OVCH2: variants seen among roughly 807,000 people sequenced by gnomAD.
OVCH2 encodes the protein ovochymase 2.
A neutral mutation model predicts 73.7 loss-of-function variants in OVCH2; 88 were observed. The ratio of observed to expected loss-of-function variants is 1.19; its 90% CI spans 1.01 to 1.43. The LOEUF (loss-of-function observed/expected upper bound fraction) is 1.43, where lower values mean the gene tolerates loss of function less well. OVCH2 is among the 40% of genes most tolerant of loss of function. The pLI, the probability that OVCH2 is intolerant of heterozygous loss-of-function variation, is 0.00. For missense variants in OVCH2, 706 were observed against 674.5 expected (o/e 1.05, Z -0.52); for synonymous variants, 265 against 234.5 (o/e 1.13, Z -1.19).
At chr11:7,700,953 A>G (rs1046825989) in intron 6 of OVCH2, among the ~76,000 whole-genome samples, 1 of 152,240 alleles carries the variant, frequency 6.6e-6, no homozygotes, top group African/African-American at 2.4e-5. Context: ...TGGAAAAAGC[A>G]GAAGACCTCT....
intron 7 of OVCH2, chr11:7,699,569 ATTTT>A (rs1319419666): frequency 6.6e-6 from 1 of 152,078 alleles, no homozygotes; most frequent in Non-Finnish European, 1.5e-5. Flanking sequence ...TTGTACTGTT[ATTTT>A]TATTGTTTTT....
chr11:7,689,961 C>G lies in OVCH2; in HGVS notation c.1692G>C (p.Glu564Asp). Reference sequence around the variant, plus strand: ...TTTCTCCATTTGGCACATCTCATGTCTCCAGAAACATTGATTCATCCTCTG... The same window carrying G: ...TTTCTCCATTTGGCACATCTCATGTGTCCAGAAACATTGATTCATCCTCTG... ...SISEDESMFL[E>D]T is the part of the protein sequence containing the mutation. Residue 564 changes from glutamate (E) to aspartate (D), a missense_variant, in exon 15 of 16, where the codon GAG becomes GAC. Physicochemically the swap from Glu to Asp is conservative, Grantham distance 45 (BLOSUM62 2). Transcript: ENST00000533663. 2 of 1,526,484 alleles carry G rather than the reference C, an allele frequency of 1.3e-6. No homozygotes were observed. The highest frequency in any genetic ancestry group is 1.8e-6 in the Non-Finnish European group (2 of 1,138,226). The allele number at this position is 1,526,484 out of a possible 1,614,324, so 94.6% of individuals were successfully genotyped here.
In OVCH2 at chr11:7,695,150, C is replaced by T. The variant is rs867159607; in HGVS notation, c.1321G>A (p.Gly441Ser). 6.4e-7 allele frequency: 1 copy of T among 1,557,870 alleles called. No individual in the cohort carries two copies. Among genetic ancestry groups the T allele is most frequent in the Non-Finnish European group, 8.7e-7 (1 of 1,150,958 alleles). The change falls in exon 12 of 16, where the codon GGT (glycine) becomes AGT (serine). Residue 441 changes from glycine to serine, a missense_variant. Physicochemically the swap from Gly to Ser is moderately conservative, Grantham distance 56. Transcript: ENST00000533663. ...CSYLTVLFEE[G>S]LIQSLNYPEN... ...GGATAGTTTAGACTCTGTATGAGACCTTCTTCAAAAAGGACAGTTAAGTAA... is the reference window on the plus strand; with the variant it reads ...GGATAGTTTAGACTCTGTATGAGACTTTCTTCAAAAAGGACAGTTAAGTAA...
chr11:7,693,324 C>T (rs1032749731), intron 12 of OVCH2, among the ~76,000 whole-genome samples: 1 of 152,156 alleles, frequency 6.6e-6, no homozygotes, highest in Non-Finnish European at 1.5e-5. Context: ...TTCATTCAAA[C>T]ATTTATTAAA....
At position 7,691,942 on chromosome 11, in the gene OVCH2, A is replaced by G. The variant is rs1432957574; in HGVS notation, c.1467T>C (p.Tyr489=). 1.3e-6 allele frequency: 2 copies of G among 1,578,854 alleles called. No homozygotes were observed. The highest frequency in any genetic ancestry group is 1.7e-6 in the Non-Finnish European group (2 of 1,160,668). Residue 489 remains tyrosine, a synonymous_variant, in exon 13 of 16, where the codon TAT becomes TAC. Coordinates refer to ENST00000533663, the MANE Select transcript of OVCH2 (RefSeq NM_198185.7). ...TTTCTACATCGCTGTGCACTGTCAC[A>G]TAGTCGGAAGTGCAGTCTCCACTTT... ...IEESGDCTSD[Y]VTVHSDVERK...
chr11:7,691,797 T>G, intron 13 of OVCH2, 105 bp downstream of exon 13: 1 of 808,524 alleles, frequency 1.2e-6, no homozygotes, highest in South Asian at 1.7e-5. Context: ...GGGGTGGAGG[T>G]GGTGCAGGAA....
In OVCH2 at chr11:7,701,705, C is replaced by G. The variant is rs776953035; in HGVS notation, c.559+11G>C. ...ACCTCTGCTTAAGAGGAATGGCACA[C>G]AAGTTCTTACCTTCAGTTAAGCGGC... On this transcript the variant is annotated intron_variant, in intron 5 of 15. Transcript: ENST00000533663. The G allele has an allele frequency of 1.6e-5, 25 of 1,607,872 alleles. No homozygotes were observed. Among genetic ancestry groups the G allele is most frequent in the Non-Finnish European group, 2.0e-5 (23 of 1,176,934 alleles).
the OVCH2 span, among the ~76,000 whole-genome samples, chr11:7,684,223 GTGGAGGTA>G: frequency 1.3e-5 from 2 of 152,052 alleles, no homozygotes. Context: ...GAAGTTAGAA[GTGGAGGTA>G]TGGATCTCAT....
In OVCH2 at chr11:7,701,326, G is replaced by C; in HGVS notation, c.709C>G (p.Gln237Glu). ...ACAGCCCCGCAGCTCCCACCCACCTGACATGCGTCTCTCCCTCCATCAGGA... is the reference window on the plus strand; with the variant it reads ...ACAGCCCCGCAGCTCCCACCCACCTCACATGCGTCTCTCCCTCCATCAGGA... Reference protein sequence around the residue: ...GFPDGGRDACQGDSGGSLMCR... With the variant: ...GFPDGGRDACEGDSGGSLMCR... Residue 237 changes from glutamine (Q) to glutamate (E), a missense_variant and splice_region_variant, in exon 6 of 16, where the codon CAG (glutamine) becomes GAG (glutamate). Physicochemically the swap from Gln to Glu is conservative, Grantham distance 29 (BLOSUM62 2). Transcript: ENST00000533663. The C allele has an allele frequency of 6.2e-7, 1 of 1,611,014 alleles. No individual in the cohort carries two copies. The highest frequency in any genetic ancestry group is 8.5e-7 in the Non-Finnish European group (1 of 1,179,050).
At chr11:7,704,291 A>C (rs149703914) in intron 2 of OVCH2, among the ~76,000 whole-genome samples, 8 of 152,286 alleles carry the variant, frequency 5.3e-5, no homozygotes, top group African/African-American at 1.9e-4. Flanking sequence ...TTTGACCCCT[A>C]TAGCTTCTTC....
intron 7 of OVCH2, chr11:7,699,611 A>G (rs1006994733): frequency 2.0e-5 from 3 of 152,008 alleles, no homozygotes; most frequent in African/African-American, 7.2e-5. Flanking sequence ...TTTGATCCAC[A>G]GTTGGTTGAA....
intron 3 of OVCH2, among the ~76,000 whole-genome samples, chr11:7,703,313 C>T (rs1282545293): frequency 6.6e-6 from 1 of 152,278 alleles, no homozygotes. Flanking sequence ...TTCTACTTTA[C>T]TGGTCTCCCT....
Position 7,703,744 on chromosome 11 carries a change from C to T in OVCH2, c.244G>A (p.Val82Ile), listed in dbSNP as rs1189661965. The T allele has an allele frequency of 3.1e-6, 5 of 1,610,876 alleles. No homozygotes were observed. The highest frequency in any genetic ancestry group is 2.2e-5 in the East Asian group (1 of 44,812). The change falls in exon 3 of 16, where the codon GTC (valine) becomes ATC (isoleucine). Residue 82 changes from valine to isoleucine, a missense_variant. By Grantham distance (29) the Val-to-Ile change is conservative (BLOSUM62 3). Transcript: ENST00000533663. Reference protein sequence around the residue: ...RQKHICGGSIVSPQWVITAAH... With the variant: ...RQKHICGGSIISPQWVITAAH... ...GCCGTGATCACCCACTGTGGTGAGACGATGCTTCCTCCACAAATATGCTTC... is the reference window on the plus strand; with the variant it reads ...GCCGTGATCACCCACTGTGGTGAGATGATGCTTCCTCCACAAATATGCTTC...
chr11:7,689,541 T>G lies in OVCH2; in HGVS notation c.*93A>C. On this transcript the variant is annotated 3_prime_UTR_variant, in exon 16 of 16. Transcript: ENST00000533663. ...TCTGTCTGAGGGCTGTGACGAGGAGTCTGCCCCAAGCCTCTCCTCTAGCTT... is the reference window on the plus strand; with the variant it reads ...TCTGTCTGAGGGCTGTGACGAGGAGGCTGCCCCAAGCCTCTCCTCTAGCTT... The G allele has an allele frequency of 2.3e-6, 1 of 438,308 alleles. No individual in the cohort carries two copies. The allele number at this position is 438,308 out of a possible 1,614,324, so 27.2% of individuals were successfully genotyped here.
chr11:7,706,254 A>C (rs1334236549), intron 1 of OVCH2, 53 bp downstream of exon 1: 2 of 1,501,324 alleles, frequency 1.3e-6, no homozygotes, highest in African/African-American at 2.8e-5. Flanking sequence ...TGTGACGTCC[A>C]TTGCCAGCAA....
At chr11:7,684,228 G>A in the OVCH2 span, among the ~76,000 whole-genome samples, 1 of 151,944 alleles carries the variant, frequency 6.6e-6, no homozygotes, top group East Asian at 1.9e-4. Context: ...TAGAAGTGGA[G>A]GTATGGATCT....
intron 6 of OVCH2, 43 bp downstream of exon 6, chr11:7,701,281 G>T (rs762870306): frequency 6.4e-7 from 1 of 1,556,780 alleles, no homozygotes; most frequent in Non-Finnish European, 8.6e-7. Flanking sequence ...AAAACCAAGG[G>T]AATCCTTGCC....
Position 7,701,362 on chromosome 11 carries a change from A to G in OVCH2, c.673T>C (p.Cys225Arg), listed in dbSNP as rs746268309. 12 of 1,613,248 alleles carry G rather than the reference A, an allele frequency of 7.4e-6. No homozygotes were observed. The highest frequency in any genetic ancestry group is 2.7e-5 in the African/African-American group (2 of 74,916). The change falls in exon 6 of 16, where the codon TGC becomes CGC. Residue 225 changes from cysteine (C) to arginine (R), a missense_variant. Cys to Arg is a radical substitution (Grantham distance 180). Transcript: ENST00000533663. ...KRPISGKTFL[C>R]TGFPDGGRDA... ...CTCCCTCCATCAGGAAAACCTGTGC[A>G]AAGAAAGGTCTTCCCACTGATGGGC... is the stretch of plus-strand genomic sequence containing the variant.
downstream of OVCH2, among the ~76,000 whole-genome samples, chr11:7,688,469 C>T (rs1393814912): frequency 2.6e-5 from 4 of 152,142 alleles, no homozygotes; most frequent in African/African-American, 9.7e-5. Context: ...TGCAGCCACA[C>T]TTTACAAAAA....
Sources: allele counts gnomAD v4.1 joint callset (sites outside exome capture counted in the v4.1 genomes callset), GRCh38; gene constraint gnomAD v4.1.1; transcripts MANE v1.5; gene names NCBI Gene and HGNC (gene_info 2026-07-23, HGNC 2026-07-21).